PPP2R2B: variants seen among roughly 807,000 people sequenced by gnomAD.
The protein encoded by PPP2R2B is protein phosphatase 2 regulatory subunit Bbeta.
Under a neutral mutation model 46.0 loss-of-function variants are expected in PPP2R2B, and 5 were observed. The ratio of observed to expected loss-of-function variants is 0.11; its 90% CI spans 0.06 to 0.23. The LOEUF is 0.23. Among genes scored for constraint, PPP2R2B ranks in the 10% least tolerant of loss-of-function variants. PPP2R2B has a pLI of 1.00. For synonymous variants in PPP2R2B, 215 were observed against 206.7 expected, an observed-to-expected ratio of 1.04 and a Z score of -0.34; for missense variants, 367 against 575.0, an observed-to-expected ratio of 0.64 and a Z score of 3.70.
upstream of PPP2R2B, among the ~76,000 whole-genome samples, chr5:147,060,723 A>G (rs1167028517): frequency 1.3e-5 from 2 of 152,156 alleles, no homozygotes; most frequent in Admixed American, 1.3e-4. Flanking sequence ...CCCAACATAT[A>G]CAGCTCCTGA....
At chr5:146,984,684 CA>C (rs1753339592) in intron 1 of PPP2R2B, among the ~76,000 whole-genome samples, 1 of 151,936 alleles carries the variant, frequency 6.6e-6, no homozygotes, top group South Asian at 2.1e-4. Flanking sequence ...TTTACGTTTC[CA>C]CCAGCAGTGT....
intron 2 of PPP2R2B, among the ~76,000 whole-genome samples, chr5:147,064,542 T>A (rs183089479): frequency 3.5e-4 from 53 of 152,364 alleles, no homozygotes; most frequent in Admixed American, 1.9e-3. Context: ...ACACATTAAT[T>A]GCATATTAGG....
At chr5:146,967,523 G>A (rs116117175) in intron 1 of PPP2R2B, among the ~76,000 whole-genome samples, 6 of 152,120 alleles carry the variant, frequency 3.9e-5, no homozygotes, top group African/African-American at 1.2e-4. Context: ...AAACCAGAGC[G>A]CTGGTTTGAA....
rs1384325129 is a variant in PPP2R2B at position 146,878,673 on chromosome 5, G to A, written c.-207C>T. On this transcript the variant is annotated 5_prime_UTR_variant, in exon 1 of 10. Transcript: ENST00000394411. This position sits in a 1 kb window ranked among gnomAD's most constrained non-coding sequence, Gnocchi z 4.5. ...GGAAGCTGGCGGGGAGCTGGGCAGG[G>A]CGCTGCAGCCGGCGCCAGCGCACTC... The A allele has an allele frequency of 4.7e-6, 6 of 1,286,064 alleles. No individual in the cohort carries two copies. Among genetic ancestry groups the A allele is most frequent in the African/African-American group, 1.5e-5 (1 of 64,684 alleles). The allele number at this position is 1,286,064 out of a possible 1,614,324, so 79.7% of individuals were successfully genotyped here. A position where few individuals can be genotyped will look rare whatever the true frequency, so the allele number is the denominator to read the frequency against.
At chr5:147,051,364 G>C (rs1162197300) in intron 1 of PPP2R2B, among the ~76,000 whole-genome samples, 1 of 152,124 alleles carries the variant, frequency 6.6e-6, no homozygotes, top group Non-Finnish European at 1.5e-5. Context: ...ACAGCCCTTA[G>C]CACACAGCCA....
At chr5:146,800,854 T>G (rs1419436393) in intron 2 of PPP2R2B, among the ~76,000 whole-genome samples, 4 of 151,980 alleles carry the variant, frequency 2.6e-5, no homozygotes, top group Non-Finnish European at 2.9e-5. Context: ...TAGCCAGATA[T>G]GGAAGCAACC....
intron 7 of PPP2R2B, among the ~76,000 whole-genome samples, chr5:146,628,314 C>T (rs752462005): frequency 6.6e-6 from 1 of 152,172 alleles, no homozygotes; most frequent in Admixed American, 6.5e-5. Context: ...GTCAGACTGC[C>T]CCTGGACAGG....
chr5:147,073,463 T>C (rs1757664053), intron 2 of PPP2R2B, among the ~76,000 whole-genome samples: 1 of 152,154 alleles, frequency 6.6e-6, no homozygotes, highest in African/African-American at 2.4e-5. Context: ...TGGAGCGCCA[T>C]GCAAAGTGAA....
At chr5:146,815,673 C>T (rs1757887908) in intron 2 of PPP2R2B, among the ~76,000 whole-genome samples, 1 of 152,202 alleles carries the variant, frequency 6.6e-6, no homozygotes, top group Non-Finnish European at 1.5e-5. Context: ...TGTTGGGTTG[C>T]AGCCTGCGGG....
intron 1 of PPP2R2B, among the ~76,000 whole-genome samples, chr5:146,925,085 C>T (rs1763737417): frequency 6.6e-6 from 1 of 152,070 alleles, no homozygotes; most frequent in African/African-American, 2.4e-5. Context: ...TATTACTGTC[C>T]TATATATTAA....
intron 2 of PPP2R2B, among the ~76,000 whole-genome samples, chr5:146,829,328 A>G (rs1215647210): frequency 6.6e-6 from 1 of 152,252 alleles, no homozygotes; most frequent in Non-Finnish European, 1.5e-5. Flanking sequence ...TTTTGGTGGG[A>G]GTACAATTGT....
At chr5:146,691,307 G>T in intron 4 of PPP2R2B, 67 bp from the exon 5 acceptor site, 1 of 1,295,710 alleles carries the variant, frequency 7.7e-7, no homozygotes, top group Non-Finnish European at 1.1e-6. Context: ...AGTTTTCCTG[G>T]GGGCAATGGG....
intron 2 of PPP2R2B, among the ~76,000 whole-genome samples, chr5:146,799,037 T>C (rs1756706622): frequency 6.6e-6 from 1 of 152,196 alleles, no homozygotes; most frequent in South Asian, 2.1e-4. Context: ...TTTTAATTTC[T>C]GTAGAAAATA....
intron 1 of PPP2R2B, among the ~76,000 whole-genome samples, chr5:146,905,349 A>G (rs1335915095): frequency 6.6e-6 from 1 of 152,234 alleles, no homozygotes; most frequent in African/African-American, 2.4e-5. Context: ...AAATAAAAGC[A>G]TGTCCACACA....
chr5:146,630,669 G>T (rs1270448039), intron 7 of PPP2R2B, among the ~76,000 whole-genome samples: 1 of 152,174 alleles, frequency 6.6e-6, no homozygotes, highest in Non-Finnish European at 1.5e-5. Flanking sequence ...ACAGTAAAAT[G>T]TCATGGAAGT....
chr5:146,672,558 G>T (rs1034483409), intron 5 of PPP2R2B, among the ~76,000 whole-genome samples: 3 of 152,220 alleles, frequency 2.0e-5, no homozygotes, highest in South Asian at 2.1e-4. Flanking sequence ...GACTTTGTTC[G>T]CATGTACCAG....
intron 2 of PPP2R2B, among the ~76,000 whole-genome samples, chr5:146,857,233 GCCCCATTT>G (rs1164642598): frequency 2.6e-5 from 4 of 152,052 alleles, no homozygotes; most frequent in Non-Finnish European, 1.5e-5. Flanking sequence ...GTTAGAAATG[GCCCCATTT>G]CTCTGCAAGC....
At chr5:146,692,014 C>G (rs962769512) in intron 4 of PPP2R2B, among the ~76,000 whole-genome samples, 1 of 152,114 alleles carries the variant, frequency 6.6e-6, no homozygotes, top group African/African-American at 2.4e-5. Context: ...TTCATGATAC[C>G]TTTTACTACC....
intron 2 of PPP2R2B, among the ~76,000 whole-genome samples, chr5:146,814,028 G>A (rs1757784561): frequency 6.6e-6 from 1 of 152,124 alleles, no homozygotes; most frequent in African/African-American, 2.4e-5. Flanking sequence ...GTAAGGCAGT[G>A]GATTGTGGCA....
Sources: gnomAD v4.1 joint callset for allele counts (sites outside exome capture counted in the v4.1 genomes callset) on GRCh38, gnomAD v4.1.1 for gene constraint, Gnocchi (gnomAD v3.1) non-coding constraint, MANE v1.5 for transcripts, NCBI Gene and HGNC (gene_info 2026-07-23, HGNC 2026-07-21) for gene names.